Variants in NGDN observed in about 807,000 individuals in gnomAD.
NGDN encodes the protein neuroguidin.
NGDN carries 41 observed loss-of-function variants against 45.2 expected under a neutral mutation model. The ratio of observed to expected loss-of-function variants is 0.91; its 90% CI spans 0.71 to 1.18. The LOEUF (loss-of-function observed/expected upper bound fraction) is 1.18. Among genes scored for constraint, NGDN ranks in the 50% most tolerant of loss-of-function variants. NGDN has a pLI of 0.00. For synonymous variants in NGDN, 137 were observed against 130.9 expected, an observed-to-expected ratio of 1.05 and a Z score of -0.32; for missense variants, 402 against 399.9, an observed-to-expected ratio of 1.01 and a Z score of -0.05.
rs1893889362 is a variant in NGDN at position 23,475,843 on chromosome 14, T to C, written c.420+65T>C. On this transcript the variant is annotated intron_variant, in intron 6 of 10. Coordinates refer to ENST00000408901, the MANE Select transcript of NGDN (RefSeq NM_001042635.2). The stretch of plus-strand genomic sequence containing the variant: ...AGCTATACCTAGATGAGCCTCTTGG[T>C]GATCCTGGATACCCTGGGATTCTCT... 5 of 1,518,060 alleles carry C rather than the reference T, an allele frequency of 3.3e-6. No homozygotes were observed. In the East Asian group the frequency reaches 1.1e-4, roughly 34 times the overall value. The allele number at this position is 1,518,060 out of a possible 1,614,324, so 94.0% of individuals were successfully genotyped here.
intron 4 of NGDN, 94 bp from the exon 5 acceptor site, chr14:23,475,464 T>C (rs1274116739): frequency 5.0e-6 from 7 of 1,389,796 alleles, no homozygotes; most frequent in Non-Finnish European, 6.1e-6. Flanking sequence ...TTGTACATAT[T>C]TTAGGTGCCT....
intron 10 of NGDN, 32 bp downstream of exon 10, chr14:23,477,592 G>T: frequency 6.2e-7 from 1 of 1,613,530 alleles, no homozygotes; most frequent in Non-Finnish European, 8.5e-7. Context: ...AGGTGATCAG[G>T]TGCAAGGTGG....
chr14:23,474,850 C>T (rs926236488), intron 3 of NGDN, among the ~76,000 whole-genome samples: 1 of 152,108 alleles, frequency 6.6e-6, no homozygotes, highest in African/African-American at 2.4e-5. Flanking sequence ...GGACAGCCCT[C>T]AACAAAAAAT....
At chr14:23,475,803 AT>A in intron 6 of NGDN, 25 bp downstream of exon 6, 1 of 1,607,858 alleles carries the variant, frequency 6.2e-7, no homozygotes. Context: ...TATTCTCCTG[AT>A]TTTTTTCTGA....
chr14:23,473,375 A>G (rs1566550452), intron 3 of NGDN, among the ~76,000 whole-genome samples: 1 of 152,188 alleles, frequency 6.6e-6, no homozygotes, highest in South Asian at 2.1e-4. Context: ...AGATCCCTAT[A>G]TATTTGTTTA....
chr14:23,472,131 G>A (rs1893792338), intron 3 of NGDN, among the ~76,000 whole-genome samples: 2 of 147,088 alleles, frequency 1.4e-5, no homozygotes, highest in African/African-American at 2.5e-5. Flanking sequence ...GCTGCCATGA[G>A]CCACGGTCGC....
At chr14:23,472,019 A>G (rs4982758) in intron 3 of NGDN, among the ~76,000 whole-genome samples, 133,911 of 151,240 alleles carry the variant, frequency 0.89, 59,439 homozygotes, top group Admixed American at 0.92. Context: ...GGTGAGACCT[A>G]TCTCTATAAA....
At chr14:23,477,654 C>G (rs1893935373) in intron 10 of NGDN, 94 bp downstream of exon 10, 7 of 1,581,266 alleles carry the variant, frequency 4.4e-6, no homozygotes. Context: ...TCACCAAGCC[C>G]TGTAGTATCT....
Position 23,476,281 on chromosome 14 carries a change from C to T in NGDN, c.587C>T (p.Ala196Val). 1 of 1,614,132 alleles carries T rather than the reference C, an allele frequency of 6.2e-7. No individual in the cohort carries two copies. The highest frequency in any genetic ancestry group is 8.5e-7 in the Non-Finnish European group (1 of 1,180,020). The change falls in exon 8 of 11, where the codon GCC becomes GTC. Residue 196 changes from alanine to valine, a missense_variant. Ala to Val is a moderately conservative substitution (Grantham distance 64). Coordinates refer to ENST00000408901, the MANE Select transcript of NGDN (RefSeq NM_001042635.2). ...AEREKKRLER[A>V]KRRALSSSVI... ...CGGGAGAAGAAGCGTCTAGAACGAG[C>T]CAAGAGACGGGCATTGAGCAGCTCT...
intron 3 of NGDN, among the ~76,000 whole-genome samples, chr14:23,474,764 A>G (rs1043658363): frequency 6.6e-6 from 1 of 152,314 alleles, no homozygotes; most frequent in Admixed American, 6.5e-5. Context: ...CTGTGGAGAC[A>G]TTTTTGATTG....
rs945834979 is a variant in NGDN, at chr14:23,478,164, T to G, written c.*138T>G. 2.5e-5 allele frequency: 22 copies of G among 880,838 alleles called. No homozygotes were observed. Among genetic ancestry groups the G allele is most frequent in the Non-Finnish European group, 3.7e-5 (21 of 564,912 alleles). The allele number at this position is 880,838 out of a possible 1,614,324, so 54.6% of individuals were successfully genotyped here. On this transcript the variant is annotated 3_prime_UTR_variant, in exon 11 of 11. Coordinates refer to ENST00000408901, the MANE Select transcript of NGDN (RefSeq NM_001042635.2). ...AGAGCCTTACTAATAAAATTGATTT[T>G]GCTTATGAATTAAAGCCCCTTTTTG...
In NGDN at chr14:23,469,997, T is replaced by G. The variant is rs779715314; in HGVS notation, c.13-45T>G. On this transcript the variant is annotated intron_variant, in intron 1 of 10. Transcript: ENST00000408901. ...TAGACGTTCCACTTTCCTATAATCCTGAGGAAAGAATGACTTTTCTTTACG... is the reference window on the plus strand; with the variant it reads ...TAGACGTTCCACTTTCCTATAATCCGGAGGAAAGAATGACTTTTCTTTACG... 4 of 1,593,612 alleles carry G rather than the reference T, an allele frequency of 2.5e-6. No individual in the cohort carries two copies. In the East Asian group the frequency reaches 8.9e-5, roughly 36 times the overall value.
intron 3 of NGDN, among the ~76,000 whole-genome samples, chr14:23,472,382 C>T (rs1893802020): frequency 6.6e-6 from 1 of 151,950 alleles, no homozygotes; most frequent in South Asian, 2.1e-4. Flanking sequence ...TGTCTGTAAT[C>T]CCGGTTACTC....
At position 23,475,783 on chromosome 14, in the gene NGDN, G is replaced by C. The variant is rs1893887354; in HGVS notation, c.420+5G>C. The C allele has an allele frequency of 3.1e-6, 5 of 1,612,150 alleles. No homozygotes were observed. Among genetic ancestry groups the C allele is most frequent in the African/African-American group, 1.3e-5 (1 of 74,982 alleles). On this transcript the variant is annotated splice_donor_5th_base_variant and intron_variant, in intron 6 of 10. Coordinates refer to ENST00000408901, the MANE Select transcript of NGDN (RefSeq NM_001042635.2). ...CCCAGCAATATGATGAGCAAGGTAAGGGGTTGTAGTATTCTCCTGATTTTT... is the reference window on the plus strand; with the variant it reads ...CCCAGCAATATGATGAGCAAGGTAACGGGTTGTAGTATTCTCCTGATTTTT...
chr14:23,475,797 C>T lies in NGDN; in HGVS notation c.420+19C>T. 1 of 1,609,128 alleles carries T rather than the reference C, an allele frequency of 6.2e-7. No homozygotes were observed. The highest frequency in any genetic ancestry group is 2.2e-5 in the East Asian group (1 of 44,854). On this transcript the variant is annotated intron_variant, in intron 6 of 10. Transcript: ENST00000408901. ...GAGCAAGGTAAGGGGTTGTAGTATT[C>T]TCCTGATTTTTTTCTGAGGCAGCTA...
chr14:23,472,480 G>A (rs1893804769), intron 3 of NGDN, among the ~76,000 whole-genome samples: 1 of 152,100 alleles, frequency 6.6e-6, no homozygotes, highest in Non-Finnish European at 1.5e-5. Context: ...AGCCTGGGCA[G>A]CAGAGCAAGA....
At chr14:23,478,229 T>G (rs1406858388), downstream of NGDN, 5 of 477,450 alleles carry the variant, frequency 1.0e-5, no homozygotes, top group Non-Finnish European at 1.8e-5. Flanking sequence ...GTTTGGGATA[T>G]TTTTGGTGAG....
chr14:23,475,292 T>C lies in NGDN; in HGVS notation c.266T>C (p.Leu89Pro). The change falls in exon 4 of 11, where the codon CTG (leucine) becomes CCG (proline). Residue 89 changes from leucine (L) to proline (P), a missense_variant. By Grantham distance (98) the Leu-to-Pro change is moderately conservative. Transcript: ENST00000408901. The part of the protein sequence containing the change: ...SLQGHDAVLR[L>P]VEIRTVLEKL... ...CAGGGACATGATGCAGTTTTGAGAC[T>C]GGTGGAGATTCGCACGGTATGAAGC... is the stretch of plus-strand genomic sequence containing the variant. The C allele has an allele frequency of 6.2e-7, 1 of 1,612,640 alleles. No homozygotes were observed. Among genetic ancestry groups the C allele is most frequent in the Non-Finnish European group, 8.5e-7 (1 of 1,179,568 alleles).
intron 2 of NGDN, 105 bp from the exon 3 acceptor site, chr14:23,470,799 AGT>A: frequency 2.7e-6 from 2 of 754,582 alleles, no homozygotes; most frequent in East Asian, 2.9e-5. Flanking sequence ...TACTTTAGAC[AGT>A]GTTTCAGATA....
Sources: allele counts gnomAD v4.1 joint callset (sites outside exome capture counted in the v4.1 genomes callset), GRCh38; gene constraint gnomAD v4.1.1; transcripts MANE v1.5; gene names NCBI Gene and HGNC (gene_info 2026-07-23, HGNC 2026-07-21).